The following SEPTIN7 variants were observed in gnomAD, a reference collection of about 807,000 sequenced individuals.
The protein encoded by SEPTIN7 is septin 7.
In SEPTIN7, 10 loss-of-function variants were observed where a neutral mutation model predicts 63.3. That is an observed-to-expected ratio of 0.16 (90% CI 0.10 to 0.27). The LOEUF is 0.27. Ranked by LOEUF, SEPTIN7 falls within the 10% of genes least tolerant of loss-of-function variation. The pLI, the probability that SEPTIN7 is intolerant of heterozygous loss-of-function variation, is 1.00. For missense variants in SEPTIN7, 310 were observed against 521.0 expected (o/e 0.59, Z 3.94); for synonymous variants, 131 against 165.3 (o/e 0.79, Z 1.59).
chr7:35,892,264 CCTT>C (rs1342527172), intron 11 of SEPTIN7, among the ~76,000 whole-genome samples: 3 of 152,028 alleles, frequency 2.0e-5, no homozygotes, highest in Non-Finnish European at 2.9e-5. Flanking sequence ...GAAAAATGTC[CCTT>C]CTTAAATATT....
chr7:35,878,870 T>G (rs1178692316), intron 6 of SEPTIN7, among the ~76,000 whole-genome samples: 1 of 152,182 alleles, frequency 6.6e-6, no homozygotes, highest in Admixed American at 6.5e-5. Context: ...AACCTGGAAC[T>G]TAACAGTGAG....
At chr7:35,896,472 G>A (rs757884184) in intron 11 of SEPTIN7, among the ~76,000 whole-genome samples, 4 of 152,080 alleles carry the variant, frequency 2.6e-5, no homozygotes, top group South Asian at 2.1e-4. Flanking sequence ...CCCTTTCACC[G>A]GAAGAATCCT....
At chr7:35,888,396 A>C (rs1293921618) in intron 10 of SEPTIN7, among the ~76,000 whole-genome samples, 2 of 152,200 alleles carry the variant, frequency 1.3e-5, no homozygotes, top group African/African-American at 4.8e-5. Flanking sequence ...ACACTAACAA[A>C]AATAACTTAA....
intron 1 of SEPTIN7, among the ~76,000 whole-genome samples, chr7:35,820,483 T>C (rs375980792): frequency 1.2e-4 from 18 of 152,298 alleles, no homozygotes; most frequent in African/African-American, 4.3e-4. Flanking sequence ...TCAGGTTTGG[T>C]GATTCTTTTT....
intron 1 of SEPTIN7, among the ~76,000 whole-genome samples, chr7:35,811,538 A>G (rs1280443111): frequency 6.6e-6 from 1 of 152,172 alleles, no homozygotes; most frequent in Non-Finnish European, 1.5e-5. Context: ...AATGTTTAAC[A>G]CAGTTGGAGA....
chr7:35,856,163 A>T (rs577929351), intron 3 of SEPTIN7, among the ~76,000 whole-genome samples: 1 of 152,320 alleles, frequency 6.6e-6, no homozygotes, highest in Admixed American at 6.5e-5. Context: ...TACTAATTTG[A>T]TATGTAAGAA....
At chr7:35,854,988 A>G (rs1785132762) in intron 3 of SEPTIN7, among the ~76,000 whole-genome samples, 1 of 152,126 alleles carries the variant, frequency 6.6e-6, no homozygotes, top group South Asian at 2.1e-4. Context: ...TAAAAACTAA[A>G]TTCTAAAGAT....
At chr7:35,867,240 TATAG>T (rs1342845632) in intron 4 of SEPTIN7, among the ~76,000 whole-genome samples, 1 of 152,226 alleles carries the variant, frequency 6.6e-6, no homozygotes, top group East Asian at 1.9e-4. Context: ...CAGTATCAAA[TATAG>T]ATACCCAGAT....
At chr7:35,828,476 A>G (rs1783632391) in intron 1 of SEPTIN7, among the ~76,000 whole-genome samples, 1 of 151,956 alleles carries the variant, frequency 6.6e-6, no homozygotes, top group East Asian at 1.9e-4. Flanking sequence ...CCCAGGTTCA[A>G]GCGATTCTTG....
chr7:35,901,743 A>G (rs1202249721), intron 12 of SEPTIN7: 1 of 152,198 alleles, frequency 6.6e-6, no homozygotes, highest in East Asian at 1.9e-4. Context: ...CCCCTATTGT[A>G]TCCCTCTCTC....
intron 4 of SEPTIN7, among the ~76,000 whole-genome samples, chr7:35,870,776 A>G (rs1366128686): frequency 6.6e-6 from 1 of 150,958 alleles, no homozygotes; most frequent in African/African-American, 2.4e-5. Context: ...GCAGTAAGCT[A>G]TAATCTGCCA....
At chr7:35,903,764 C>A (rs1788461373) in intron 13 of SEPTIN7, among the ~76,000 whole-genome samples, 1 of 152,134 alleles carries the variant, frequency 6.6e-6, no homozygotes, top group African/African-American at 2.4e-5. Flanking sequence ...TGAAAAGTGG[C>A]ATTCCTATAA....
intron 3 of SEPTIN7, among the ~76,000 whole-genome samples, chr7:35,858,814 G>T (rs1785351250): frequency 6.6e-6 from 1 of 151,832 alleles, no homozygotes; most frequent in Admixed American, 6.6e-5. Flanking sequence ...CCAAGTAGCT[G>T]AGATTACAGG....
intron 1 of SEPTIN7, among the ~76,000 whole-genome samples, chr7:35,815,964 T>C (rs1349439217): frequency 3.3e-5 from 5 of 152,218 alleles, no homozygotes; most frequent in African/African-American, 1.2e-4. Context: ...CATCAGTTTC[T>C]GATTGATTTT....
intron 11 of SEPTIN7, among the ~76,000 whole-genome samples, chr7:35,891,699 T>C (rs954483408): frequency 4.6e-5 from 7 of 152,192 alleles, no homozygotes; most frequent in African/African-American, 1.4e-4. Flanking sequence ...CTGTGGACTT[T>C]ATGAACACTG....
downstream of SEPTIN7, among the ~76,000 whole-genome samples, chr7:35,910,366 T>C (rs780342507): frequency 2.0e-5 from 3 of 152,232 alleles, no homozygotes; most frequent in Admixed American, 6.5e-5. Flanking sequence ...ATCATTTTCC[T>C]AAAATGAAAC....
chr7:35,913,737 A>G, the SEPTIN7 span, among the ~76,000 whole-genome samples: 1 of 152,036 alleles, frequency 6.6e-6, no homozygotes, highest in East Asian at 1.9e-4. Context: ...CTACAGATGC[A>G]TGCCACCATG....
intron 12 of SEPTIN7, 176 bp downstream of exon 12, chr7:35,898,559 T>C (rs747026662): frequency 5.0e-5 from 25 of 505,022 alleles, no homozygotes; most frequent in Non-Finnish European, 7.6e-5. Flanking sequence ...AATAAAATAA[T>C]ACATACTTCA....
At chr7:35,816,507 A>T (rs1161080431) in intron 1 of SEPTIN7, among the ~76,000 whole-genome samples, 1 of 152,072 alleles carries the variant, frequency 6.6e-6, no homozygotes, top group African/African-American at 2.4e-5. Flanking sequence ...CTACTTTTTG[A>T]CTATTATGGA....
Sources: allele counts gnomAD v4.1 joint callset (sites outside exome capture counted in the v4.1 genomes callset), GRCh38; gene constraint gnomAD v4.1.1; transcripts MANE v1.5; gene names NCBI Gene and HGNC (gene_info 2026-07-23, HGNC 2026-07-21).